The following DLG2 variants were observed in gnomAD, a reference collection of about 807,000 sequenced individuals.
DLG2 encodes discs large MAGUK scaffold protein 2, also known as disks large homolog 2.
In DLG2, 45 loss-of-function variants were observed where a neutral mutation model predicts 132.5. The observed-to-expected ratio is 0.34, with a 90% CI of 0.27 to 0.44. DLG2 has a LOEUF of 0.44. DLG2 is among the 20% of genes least tolerant of loss of function. The pLI is 1.00. For missense variants in DLG2, 1,045 were observed against 1,196.9 expected (o/e 0.87, Z 1.87); for synonymous variants, 424 against 419.6 (o/e 1.01, Z -0.13).
At chr11:84,238,139 T>C (rs980719361) in intron 8 of DLG2, among the ~76,000 whole-genome samples, 2 of 151,444 alleles carry the variant, frequency 1.3e-5, no homozygotes, top group African/African-American at 4.9e-5. Flanking sequence ...AAGGTAGCTG[T>C]CTGATTTCAC....
Position 84,452,218 on chromosome 11 carries a change from A to G in DLG2, c.519+82352T>C, listed in dbSNP as rs1052492552. Among the ~76,000 whole-genome samples, 11 of 151,784 alleles carry G rather than the reference A, an allele frequency of 7.2e-5. 1 individual carries two copies. Among genetic ancestry groups the G allele is most frequent in the Non-Finnish European group, 5.9e-5 (4 of 67,820 alleles). On this transcript the variant is annotated intron_variant, in intron 7 of 27. Coordinates refer to ENST00000376104, the MANE Select transcript of DLG2 (RefSeq NM_001142699.3). ...GACGACGATGAAGACTAGGGCTACC[A>G]TTTGACAACAGTAAGGAGAACAGCA...
chr11:85,237,292 C>T (rs1011967842), intron 4 of DLG2, among the ~76,000 whole-genome samples: 1 of 152,012 alleles, frequency 6.6e-6, no homozygotes, highest in South Asian at 2.1e-4. Context: ...AAATTGTTTT[C>T]TGGTATTAAT....
At position 85,460,736 on chromosome 11, in the gene DLG2, C is replaced by T. The variant is rs1343866502; in HGVS notation, c.40+137921G>A. On this transcript the variant is annotated intron_variant, in intron 3 of 27. Transcript: ENST00000376104. The stretch of plus-strand genomic sequence containing the variant: ...CCTTGTCTTTAGTCCAATTTCTTCA[C>T]AGTTGTTCTCCATTGAAGGATCCTG... 4.6e-5 allele frequency among the ~76,000 whole-genome samples: 7 copies of T among 152,314 alleles called. No individual in the cohort carries two copies. The South Asian group carries it at 6.2e-4, about 14-fold the overall frequency.
At chr11:84,439,638 G>T (rs748089254) in intron 7 of DLG2, among the ~76,000 whole-genome samples, 15 of 152,096 alleles carry the variant, frequency 9.9e-5, no homozygotes, top group South Asian at 2.1e-4. Flanking sequence ...AAATATACAT[G>T]GTAACTCCTG....
chr11:85,097,218 T>C (rs767501431), intron 6 of DLG2, among the ~76,000 whole-genome samples: 5 of 152,132 alleles, frequency 3.3e-5, no homozygotes, highest in Non-Finnish European at 1.5e-5. Flanking sequence ...ATAAGAATGA[T>C]TTCTAGTATA....
At chr11:84,498,167 T>C (rs2099190747) in intron 7 of DLG2, among the ~76,000 whole-genome samples, 1 of 152,034 alleles carries the variant, frequency 6.6e-6, no homozygotes, top group African/African-American at 2.4e-5. Context: ...CAACAATGAG[T>C]AGTTTATAAA....
rs978654677 is a variant in DLG2 at position 84,743,288 on chromosome 11, A to G, written c.358-208557T>C. 2.0e-4 allele frequency among the ~76,000 whole-genome samples: 31 copies of G among 152,224 alleles called. 1 individual carries two copies. Among genetic ancestry groups the G allele is most frequent in the African/African-American group, 6.3e-4 (26 of 41,472 alleles). ...AAAATTCATATCTATTAACACTGTT[A>G]CAACTCTTAAAGATACTAAAAATCA... On this transcript the variant is annotated intron_variant, in intron 6 of 27. Transcript: ENST00000376104.
chr11:83,511,189 G>A (rs1023544457), intron 21 of DLG2, among the ~76,000 whole-genome samples: 5 of 151,728 alleles, frequency 3.3e-5, no homozygotes, highest in Admixed American at 1.3e-4. Flanking sequence ...AGTGATCACC[G>A]GGTGAGTCTG....
At chr11:85,494,536 CT>C (rs1466703500) in intron 3 of DLG2, among the ~76,000 whole-genome samples, 3 of 151,388 alleles carry the variant, frequency 2.0e-5, no homozygotes, top group African/African-American at 4.9e-5. Flanking sequence ...TTTGGAGTGG[CT>C]TTTTTTTAAT....
rs933697169 is a variant in DLG2, at chr11:85,099,974, C to T, written c.357+11687G>A. Among the ~76,000 whole-genome samples, 11 of 152,140 alleles carry T rather than the reference C, an allele frequency of 7.2e-5. No homozygotes were observed. In the South Asian group the frequency reaches 2.3e-3, roughly 31 times the overall value. On this transcript the variant is annotated intron_variant, in intron 6 of 27. Coordinates refer to ENST00000376104, the MANE Select transcript of DLG2 (RefSeq NM_001142699.3). ...GGCTAGAACATATTTTCCAAAAATA[C>T]TTTTCAGGAACTCAAGTAGCCAAAA...
At chr11:84,118,198 C>T (rs1373011029) in intron 9 of DLG2, among the ~76,000 whole-genome samples, 1 of 152,106 alleles carries the variant, frequency 6.6e-6, no homozygotes, top group Admixed American at 6.6e-5. Flanking sequence ...ATATTTAAAT[C>T]CATGTTTATT....
chr11:85,112,905 G>A lies in DLG2; in HGVS notation c.283-1170C>T, dbSNP rs146577188. On this transcript the variant is annotated intron_variant, in intron 5 of 27. Transcript: ENST00000376104. ...TCCAATCTGATTTTATCTAATGAATGATCCTAACATTTCTGATTTAACTGA... is the reference window on the plus strand; with the variant it reads ...TCCAATCTGATTTTATCTAATGAATAATCCTAACATTTCTGATTTAACTGA... Among the ~76,000 whole-genome samples the A allele has an allele frequency of 1.7e-4, 26 of 152,088 alleles. No homozygotes were observed. The East Asian group carries it at 5.0e-3, about 29-fold the overall frequency.
At chr11:84,139,000 G>A (rs909047833) in intron 9 of DLG2, among the ~76,000 whole-genome samples, 4 of 150,710 alleles carry the variant, frequency 2.7e-5, no homozygotes, top group Non-Finnish European at 4.4e-5. Context: ...AATGGAAAAG[G>A]CTGGGTTTTC....
At chr11:83,770,999 C>T (rs1306439907) in intron 18 of DLG2, among the ~76,000 whole-genome samples, 3 of 152,184 alleles carry the variant, frequency 2.0e-5, no homozygotes, top group African/African-American at 7.2e-5. Flanking sequence ...ATAGAACTAT[C>T]CAAGTTGAAA....
chr11:85,149,977 C>T (rs887057570), intron 5 of DLG2, among the ~76,000 whole-genome samples: 1 of 143,970 alleles, frequency 6.9e-6, no homozygotes, highest in East Asian at 2.0e-4. Context: ...ACTTGGCCCT[C>T]TGGGAAGATT....
At chr11:84,107,768 T>C (rs2093068286) in intron 9 of DLG2, among the ~76,000 whole-genome samples, 2 of 152,264 alleles carry the variant, frequency 1.3e-5, no homozygotes, top group South Asian at 4.1e-4. Flanking sequence ...TCTTAACTGA[T>C]TAGATGTCTT....
chr11:83,989,637 A>G (rs2093590034), intron 11 of DLG2, among the ~76,000 whole-genome samples: 1 of 152,216 alleles, frequency 6.6e-6, no homozygotes. Flanking sequence ...ACATGTCTTC[A>G]GATTCCAGGC....
In DLG2 at chr11:83,587,139, T is replaced by C. The variant is rs893101622; in HGVS notation, c.1941-45281A>G. ...CCATTCCAGAATGTAGTTCCTATTA[T>C]TGTTATGCTTTGGATTAAAAAAGAA... On this transcript the variant is annotated intron_variant, in intron 19 of 27. Coordinates refer to ENST00000376104, the MANE Select transcript of DLG2 (RefSeq NM_001142699.3). Among the ~76,000 whole-genome samples the C allele has an allele frequency of 7.2e-5, 11 of 152,356 alleles. No individual in the cohort carries two copies. In the East Asian group the frequency reaches 7.7e-4, roughly 11 times the overall value.
chr11:84,813,507 A>G (rs1047529477), intron 6 of DLG2, among the ~76,000 whole-genome samples: 2 of 152,162 alleles, frequency 1.3e-5, no homozygotes, highest in Non-Finnish European at 2.9e-5. Flanking sequence ...TCATTCCACT[A>G]TTCTTTGCAA....
Sources: gnomAD v4.1 joint callset for allele counts (sites outside exome capture counted in the v4.1 genomes callset) on GRCh38, gnomAD v4.1.1 for gene constraint, MANE v1.5 for transcripts, NCBI Gene and HGNC (gene_info 2026-07-23, HGNC 2026-07-21) for gene names.